Variants in ZSCAN30 observed in about 807,000 individuals in gnomAD.
ZSCAN30 encodes zinc finger and SCAN domain-containing protein 30.
In ZSCAN30, 37 loss-of-function variants were observed where a neutral mutation model predicts 44.3. The observed-to-expected ratio is 0.84, with a 90% CI of 0.64 to 1.10. The LOEUF is 1.10. ZSCAN30 is among the 50% of genes least tolerant of loss of function. The probability of loss-of-function intolerance (pLI) is 0.00; values close to 1 mark genes in which losing one functional copy is unlikely to be tolerated. For missense variants in ZSCAN30, 549 were observed against 582.6 expected, an observed-to-expected ratio of 0.94 and a Z score of 0.59; for synonymous variants, 181 against 204.6, an observed-to-expected ratio of 0.88 and a Z score of 0.98.
At chr18:35,271,144 T>C (rs556984616) in intron 1 of ZSCAN30, among the ~76,000 whole-genome samples, 12 of 152,212 alleles carry the variant, frequency 7.9e-5, no homozygotes, top group African/African-American at 2.6e-4. Context: ...AAAAAAACCC[T>C]CCGCACTGTG....
chr18:35,265,102 C>T (rs990706724), intron 1 of ZSCAN30, among the ~76,000 whole-genome samples: 4 of 150,926 alleles, frequency 2.7e-5, no homozygotes, highest in African/African-American at 4.9e-5. Context: ...GCCAAGATGG[C>T]GCCACTGCAC....
intron 1 of ZSCAN30, chr18:35,269,055 G>A (rs2044220165): frequency 2.0e-5 from 3 of 152,202 alleles, no homozygotes. Context: ...AGATGTTTAT[G>A]TCAGATGACT....
chr18:35,256,698 A>G (rs2043833972), intron 3 of ZSCAN30, among the ~76,000 whole-genome samples: 1 of 152,210 alleles, frequency 6.6e-6, no homozygotes, highest in South Asian at 2.1e-4. Context: ...GTACAGATTT[A>G]TAAGAGGCTC....
intron 1 of ZSCAN30, among the ~76,000 whole-genome samples, chr18:35,270,957 G>A (rs2044259480): frequency 1.3e-5 from 2 of 152,192 alleles, no homozygotes; most frequent in Admixed American, 6.5e-5. Context: ...CAACTCTTAA[G>A]GTGGTGCATC....
intron 1 of ZSCAN30, among the ~76,000 whole-genome samples, chr18:35,272,350 GT>G (rs35727680): frequency 3.3e-4 from 46 of 137,652 alleles, no homozygotes; most frequent in East Asian, 8.7e-4. Context: ...ATTTTAGAAA[GT>G]TTTTTTTTTT....
At chr18:35,285,275 A>G (rs1569085699) in intron 1 of ZSCAN30, 3 of 46,614 alleles carry the variant, frequency 6.4e-5, no homozygotes, top group African/African-American at 1.6e-4. Flanking sequence ...TAGAATCACA[A>G]GGAGAATAGA....
At chr18:35,263,221 G>T in intron 3 of ZSCAN30, 1 of 349,796 alleles carries the variant, frequency 2.9e-6, no homozygotes, top group South Asian at 3.2e-5. Flanking sequence ...TCCAACCTGG[G>T]TGATAGAGTG....
intron 3 of ZSCAN30, chr18:35,254,733 G>GA (rs1372833018): frequency 4.0e-5 from 13 of 324,972 alleles, no homozygotes; most frequent in Non-Finnish European, 5.9e-5. Context: ...AGATAATCAG[G>GA]AAAAAAAAGT....
At chr18:35,280,445 C>T (rs896924279) in intron 1 of ZSCAN30, among the ~76,000 whole-genome samples, 5 of 151,990 alleles carry the variant, frequency 3.3e-5, no homozygotes. Flanking sequence ...ACTTGGCTTT[C>T]AGTTATTTAA....
At chr18:35,263,769 G>GA (rs915717295) in intron 2 of ZSCAN30, 112 bp from the exon 3 acceptor site, 125 of 1,420,022 alleles carry the variant, frequency 8.8e-5, no homozygotes, top group East Asian at 1.6e-4. Context: ...TGATTAGAGA[G>GA]AAAAAAAACA....
chr18:35,271,904 A>G (rs901420897), intron 1 of ZSCAN30, among the ~76,000 whole-genome samples: 5 of 152,104 alleles, frequency 3.3e-5, no homozygotes, highest in African/African-American at 9.7e-5. Flanking sequence ...TAAGCCCCTT[A>G]CTGCCTGGGG....
At chr18:35,287,896 AG>A (rs942870817) in intron 1 of ZSCAN30, among the ~76,000 whole-genome samples, 3 of 148,560 alleles carry the variant, frequency 2.0e-5, no homozygotes, top group Admixed American at 2.0e-4. Context: ...TTTTTGCAAC[AG>A]GGTCCTGCTC....
intron 1 of ZSCAN30, among the ~76,000 whole-genome samples, chr18:35,274,157 G>A (rs935082123): frequency 2.0e-5 from 3 of 151,970 alleles, no homozygotes; most frequent in Admixed American, 6.6e-5. Context: ...CTGGGACTAC[G>A]GGCGCCCGCC....
In ZSCAN30 at chr18:35,271,767, G is replaced by A. The variant is rs888474306; in HGVS notation, c.-103-7312C>T. Among the ~76,000 whole-genome samples, 14 of 152,356 alleles carry A rather than the reference G, an allele frequency of 9.2e-5. No individual in the cohort carries two copies. The East Asian group carries it at 2.7e-3, about 29-fold the overall frequency. On this transcript the variant is annotated intron_variant, in intron 1 of 3. Transcript: ENST00000333206. ...CATTGCGGGGAGGGGGGGCGCTTGGGCATGGCGGGCTGCAGGTCCTAAGCC... is the reference window on the plus strand; with the variant it reads ...CATTGCGGGGAGGGGGGGCGCTTGGACATGGCGGGCTGCAGGTCCTAAGCC...
Position 35,254,134 on chromosome 18 carries a change from G to C in ZSCAN30, c.801C>G (p.Pro267=). The C allele has an allele frequency of 6.2e-7, 1 of 1,614,140 alleles. No individual in the cohort carries two copies. The highest frequency in any genetic ancestry group is 8.5e-7 in the Non-Finnish European group (1 of 1,179,982). The change falls in exon 4 of 4, where the codon CCC becomes CCG. Residue 267 remains proline, a synonymous_variant. Transcript: ENST00000333206. ...FSLATFNRRI[P]TEHSVLESHE... ...GAGATTCAAGGACACTGTGTTCTGT[G>C]GGGATTCTTCTGTTGAAGGTTGCCA...
At chr18:35,288,192 A>G (rs2044587030) in intron 1 of ZSCAN30, among the ~76,000 whole-genome samples, 1 of 152,254 alleles carries the variant, frequency 6.6e-6, no homozygotes, top group Admixed American at 6.5e-5. Flanking sequence ...TATATTTGAC[A>G]AAAGACTAGT....
intron 1 of ZSCAN30, among the ~76,000 whole-genome samples, chr18:35,286,088 T>C (rs1029269903): frequency 5.9e-5 from 9 of 152,164 alleles, no homozygotes; most frequent in African/African-American, 1.7e-4. Context: ...TTATACAAAA[T>C]TGGCTGATTC....
chr18:35,288,458 T>C (rs1390194916), intron 1 of ZSCAN30, among the ~76,000 whole-genome samples: 1 of 151,996 alleles, frequency 6.6e-6, no homozygotes, highest in African/African-American at 2.4e-5. Flanking sequence ...ACATCTACCA[T>C]GAGAGAGGGG....
At chr18:35,254,988 A>G (rs1051758474) in intron 3 of ZSCAN30, 1 of 154,110 alleles carries the variant, frequency 6.5e-6, no homozygotes, top group African/African-American at 2.4e-5. Context: ...CAGGTTCCTG[A>G]CTCATTCTCA....
Sources: gnomAD v4.1 joint callset for allele counts (sites outside exome capture counted in the v4.1 genomes callset) on GRCh38, gnomAD v4.1.1 for gene constraint, MANE v1.5 for transcripts, NCBI Gene and HGNC (gene_info 2026-07-23, HGNC 2026-07-21) for gene names.